The following SEPTIN14 variants were observed in gnomAD, a reference collection of about 807,000 sequenced individuals.
SEPTIN14 encodes the protein septin 14.
In SEPTIN14, 40 loss-of-function variants were observed where a neutral mutation model predicts 53.6. The ratio of observed to expected loss-of-function variants is 0.75; its 90% CI spans 0.58 to 0.97. The LOEUF (loss-of-function observed/expected upper bound fraction) is 0.97, where lower values mean the gene tolerates loss of function less well. SEPTIN14 is among the 50% of genes least tolerant of loss of function. The pLI, the probability that SEPTIN14 is intolerant of heterozygous loss-of-function variation, is 0.00. For missense variants in SEPTIN14, 471 were observed against 508.2 expected, an observed-to-expected ratio of 0.93 and a Z score of 0.70; for synonymous variants, 138 against 166.8, an observed-to-expected ratio of 0.83 and a Z score of 1.33.
intron 3 of SEPTIN14, among the ~76,000 whole-genome samples, chr7:55,845,937 T>C (rs1334958597): frequency 1.3e-5 from 2 of 148,400 alleles, no homozygotes; most frequent in African/African-American, 2.5e-5. Context: ...TAGTCCCAGT[T>C]ACTTGGGAGG....
chr7:55,804,603 C>G (rs1584251175), intron 9 of SEPTIN14, among the ~76,000 whole-genome samples: 2 of 152,174 alleles, frequency 1.3e-5, no homozygotes, highest in African/African-American at 4.8e-5. Context: ...AATGAGACAT[C>G]TGGCCTATAG....
rs1162739964 is a variant in SEPTIN14, at chr7:55,857,582, CTTTTTTTTTTT to C, written c.54+4350_54+4360del. Among the ~76,000 whole-genome samples the C allele has an allele frequency of 6.9e-4, 15 of 21,602 alleles. 2 individuals carry two copies. In the South Asian group the frequency reaches 0.04, roughly 57 times the overall value. The allele number at this position is 21,602 out of a possible 152,430, so 14.2% of individuals were successfully genotyped here. The stretch of plus-strand genomic sequence containing the variant: ...GAGGGGAGGGGAGGGGAGCCTGTGT[CTTTTTTTTTTT>C]TTTTTTTTTTTTTTGAGACGGAGTC... On this transcript the variant is annotated intron_variant, in intron 2 of 9. Transcript: ENST00000388975.
chr7:55,834,498 A>T lies in SEPTIN14; in HGVS notation c.647T>A (p.Ile216Asn). ...TFKNKIMSELISNGIQIYQLP... is the reference protein window; with the variant it reads ...TFKNKIMSELNSNGIQIYQLP... ...CTGATATATCTGGATGCCATTGCTA[A>T]TCAATTCACTCATTATCTTATTCTT... Residue 216 changes from isoleucine to asparagine, a missense_variant, in exon 6 of 10, where the codon ATT (isoleucine) becomes AAT (asparagine). Physicochemically the swap from Ile to Asn is moderately radical, Grantham distance 149. Coordinates refer to ENST00000388975, the MANE Select transcript of SEPTIN14 (RefSeq NM_207366.3). The T allele has an allele frequency of 1.2e-6, 2 of 1,612,970 alleles. No individual in the cohort carries two copies. Among genetic ancestry groups the T allele is most frequent in the Non-Finnish European group, 1.7e-6 (2 of 1,179,040 alleles).
At chr7:55,830,345 A>ATTTTTTTTTTTTTTTTT (rs1337453699) in intron 6 of SEPTIN14, among the ~76,000 whole-genome samples, 2 of 40,104 alleles carry the variant, frequency 5.0e-5, no homozygotes, top group African/African-American at 1.9e-4. Flanking sequence ...ATATATATAT[A>ATTTTTTTTTTTTTTTTT]TATATTTTTT....
chr7:55,805,350 C>T lies in SEPTIN14; in HGVS notation c.1027G>A (p.Asp343Asn), dbSNP rs557164031. 5 of 1,599,414 alleles carry T rather than the reference C, an allele frequency of 3.1e-6. No individual in the cohort carries two copies. The East Asian group carries it at 6.7e-5, about 22-fold the overall frequency. ...TCTTCTTCTTCCCTCTGACATTGAT[C>T]ATAGAACTCTTGTCTTTTGGCTTCA... Reference protein sequence around the residue: ...IFEAKRQEFYDQCQREEEELK... With the variant: ...IFEAKRQEFYNQCQREEEELK... Residue 343 changes from aspartate to asparagine, a missense_variant, in exon 9 of 10, where the codon GAT becomes AAT. Physicochemically the swap from Asp to Asn is conservative, Grantham distance 23. Coordinates refer to ENST00000388975, the MANE Select transcript of SEPTIN14 (RefSeq NM_207366.3).
intron 7 of SEPTIN14, among the ~76,000 whole-genome samples, chr7:55,815,477 T>C (rs1417959233): frequency 2.6e-5 from 4 of 152,180 alleles, no homozygotes; most frequent in Admixed American, 2.6e-4. Flanking sequence ...CGAATAGACA[T>C]TTCTCCAAAG....
intron 2 of SEPTIN14, among the ~76,000 whole-genome samples, chr7:55,848,648 T>C (rs2116062424): frequency 6.9e-6 from 1 of 145,792 alleles, no homozygotes; most frequent in African/African-American, 2.6e-5. Flanking sequence ...TCTCGCTCTG[T>C]CGCCCAGGCT....
intron 7 of SEPTIN14, among the ~76,000 whole-genome samples, chr7:55,809,345 G>C (rs1246620747): frequency 1.8e-5 from 2 of 109,894 alleles, no homozygotes; most frequent in Non-Finnish European, 3.6e-5. Flanking sequence ...TAGTATATGT[G>C]CTGCTAAAGT....
chr7:55,846,552 A>G lies in SEPTIN14; in HGVS notation c.140T>C (p.Ile47Thr). 1 of 1,598,494 alleles carries G rather than the reference A, an allele frequency of 6.3e-7. No homozygotes were observed. Among genetic ancestry groups the G allele is most frequent in the Non-Finnish European group, 8.6e-7 (1 of 1,169,498 alleles). Residue 47 changes from isoleucine (I) to threonine (T), a missense_variant, in exon 3 of 10, where the codon ATC becomes ACC. Physicochemically the swap from Ile to Thr is moderately conservative, Grantham distance 89. Coordinates refer to ENST00000388975, the MANE Select transcript of SEPTIN14 (RefSeq NM_207366.3). ...CLPNQLVSRS[I>T]RQGFTFNILC... ...AATATTAAAAGTGAATCCTTGTCGG[A>G]TAGATCTGCTCACCAACTGATTGGG...
chr7:55,823,161 C>T (rs761967111), intron 6 of SEPTIN14, among the ~76,000 whole-genome samples: 1 of 152,166 alleles, frequency 6.6e-6, no homozygotes, highest in Non-Finnish European at 1.5e-5. Flanking sequence ...TGTCTTCCTG[C>T]TTGGTGCACT....
At chr7:55,846,862 G>C (rs1163089791) in intron 2 of SEPTIN14, among the ~76,000 whole-genome samples, 3 of 152,042 alleles carry the variant, frequency 2.0e-5, no homozygotes, top group African/African-American at 7.2e-5. Flanking sequence ...CTATCTCTCA[G>C]CACACTCAAA....
At chr7:55,856,113 A>G (rs925601397) in intron 2 of SEPTIN14, among the ~76,000 whole-genome samples, 3 of 152,070 alleles carry the variant, frequency 2.0e-5, no homozygotes, top group Non-Finnish European at 4.4e-5. Flanking sequence ...TACTGAGCAT[A>G]GTACTCAATA....
chr7:55,856,664 G>T (rs988313749), intron 2 of SEPTIN14, among the ~76,000 whole-genome samples: 9 of 151,970 alleles, frequency 5.9e-5, no homozygotes, highest in African/African-American at 1.9e-4. Flanking sequence ...AAGTGCTGGG[G>T]TTACAGGCAT....
At chr7:55,853,924 G>A (rs1285586816) in intron 2 of SEPTIN14, among the ~76,000 whole-genome samples, 1 of 151,988 alleles carries the variant, frequency 6.6e-6, no homozygotes, top group South Asian at 2.1e-4. Context: ...AGACCAATCT[G>A]GGCAACATAG....
intron 5 of SEPTIN14, among the ~76,000 whole-genome samples, chr7:55,837,858 C>T (rs1789237680): frequency 6.6e-6 from 1 of 152,210 alleles, no homozygotes; most frequent in Non-Finnish European, 1.5e-5. Flanking sequence ...GCCGGGATTA[C>T]AGGGTGAGCC....
intron 2 of SEPTIN14, among the ~76,000 whole-genome samples, chr7:55,849,700 C>T (rs1179124863): frequency 4.6e-5 from 7 of 151,936 alleles, no homozygotes; most frequent in Admixed American, 2.6e-4. Flanking sequence ...GAGCCGAGAT[C>T]GCACCACTGC....
At chr7:55,819,634 T>C (rs185156875) in intron 6 of SEPTIN14, among the ~76,000 whole-genome samples, 9 of 152,160 alleles carry the variant, frequency 5.9e-5, no homozygotes, top group East Asian at 3.9e-4. Flanking sequence ...ATAAATTTAA[T>C]TAGACAGGGA....
intron 9 of SEPTIN14, chr7:55,798,161 T>C (rs867520124): frequency 1.4e-5 from 3 of 208,782 alleles, no homozygotes; most frequent in Middle Eastern, 5.3e-4. Flanking sequence ...ATCTCCTTCC[T>C]GACCCCTCCC....
rs182840326 is a variant in SEPTIN14 at position 55,795,821 on chromosome 7, A to T, written c.*92T>A. The T allele has an allele frequency of 8.1e-6, 8 of 992,316 alleles. No individual in the cohort carries two copies. Among genetic ancestry groups the T allele is most frequent in the Middle Eastern group, 3.2e-4 (1 of 3,094 alleles). The allele number at this position is 992,316 out of a possible 1,614,324, so 61.5% of individuals were successfully genotyped here. A position where few individuals can be genotyped will look rare whatever the true frequency, so the allele number is the denominator to read the frequency against. On this transcript the variant is annotated 3_prime_UTR_variant, in exon 10 of 10. Coordinates refer to ENST00000388975, the MANE Select transcript of SEPTIN14 (RefSeq NM_207366.3). ...ATACAATAAGCAAGCCAATTTTTAAAATGAGAACTTCAGAGTTAAATGCTA... is the reference window on the plus strand; with the variant it reads ...ATACAATAAGCAAGCCAATTTTTAATATGAGAACTTCAGAGTTAAATGCTA...
Sources: gnomAD v4.1 joint callset for allele counts (sites outside exome capture counted in the v4.1 genomes callset) on GRCh38, gnomAD v4.1.1 for gene constraint, MANE v1.5 for transcripts, NCBI Gene and HGNC (gene_info 2026-07-23, HGNC 2026-07-21) for gene names.